Variants in OXR1 observed in about 807,000 individuals in gnomAD.
The protein encoded by OXR1 is oxidation resistance 1, also known as oxidation resistance protein 1.
OXR1 carries 41 observed loss-of-function variants against 104.6 expected under a neutral mutation model. The observed-to-expected ratio is 0.39, with a 90% CI of 0.31 to 0.51. The LOEUF is 0.51. Ranked by LOEUF, OXR1 falls within the 20% of genes least tolerant of loss-of-function variation. The pLI, the probability that OXR1 is intolerant of heterozygous loss-of-function variation, is 0.77. For synonymous variants in OXR1, 348 were observed against 348.4 expected (o/e 1.00, Z 0.01); for missense variants, 955 against 1,031.9 (o/e 0.93, Z 1.02).
chr8:106,425,676 T>C (rs1261066501), intron 2 of OXR1, among the ~76,000 whole-genome samples: 1 of 152,160 alleles, frequency 6.6e-6, no homozygotes, highest in Non-Finnish European at 1.5e-5. Flanking sequence ...ATCTTGGAAT[T>C]CTTAGCTTCC....
chr8:106,728,324 G>A (rs180769555), intron 11 of OXR1, among the ~76,000 whole-genome samples: 2 of 150,570 alleles, frequency 1.3e-5, no homozygotes, highest in East Asian at 2.0e-4. Context: ...AGAATTCTTC[G>A]TCTTTACCCA....
At chr8:106,741,031 G>A (rs185650798) in intron 14 of OXR1, among the ~76,000 whole-genome samples, 2 of 152,240 alleles carry the variant, frequency 1.3e-5, no homozygotes, top group Admixed American at 6.5e-5. Flanking sequence ...AGTGTTTTAT[G>A]TGTCAGGAAC....
intron 11 of OXR1, among the ~76,000 whole-genome samples, chr8:106,731,878 T>A (rs1833923534): frequency 6.6e-6 from 1 of 152,140 alleles, no homozygotes; most frequent in Non-Finnish European, 1.5e-5. Flanking sequence ...CTATTCTGTG[T>A]CTTTGCATAT....
chr8:106,704,486 C>G (rs1056796600), intron 8 of OXR1, among the ~76,000 whole-genome samples: 2 of 139,534 alleles, frequency 1.4e-5, no homozygotes, highest in Non-Finnish European at 3.0e-5. Flanking sequence ...CAACATCCAC[C>G]TCCTGGGTTC....
chr8:106,637,393 A>G (rs1007781869), intron 3 of OXR1, among the ~76,000 whole-genome samples: 1 of 152,164 alleles, frequency 6.6e-6, no homozygotes, highest in Admixed American at 6.5e-5. Flanking sequence ...TTTAAGGATC[A>G]TTTTCCCCAG....
In OXR1 at chr8:106,743,439, A is replaced by G. The variant is rs112200756; in HGVS notation, c.2412+1122A>G. ...CAGGTTCAAGCAATTCTCCTGCCTC[A>G]GCCTCCCAAGTAGCTGGGATTACAG... On this transcript the variant is annotated intron_variant, in intron 15 of 16. Coordinates refer to ENST00000517566, the MANE Select transcript of OXR1 (RefSeq NM_001198533.2). Among the ~76,000 whole-genome samples, 1,467 of 152,314 alleles carry G rather than the reference A, an allele frequency of 9.6e-3. 26 individuals carry two copies. The highest frequency in any genetic ancestry group is 0.033 in the African/African-American group (1,372 of 41,566).
chr8:106,674,321 C>T (rs2131180066), intron 3 of OXR1, among the ~76,000 whole-genome samples: 1 of 152,296 alleles, frequency 6.6e-6, no homozygotes, highest in East Asian at 1.9e-4. Flanking sequence ...ACTGCCCTGC[C>T]AGATTTTGGA....
chr8:106,517,725 C>T (rs969610733), intron 2 of OXR1, among the ~76,000 whole-genome samples: 1 of 152,094 alleles, frequency 6.6e-6, no homozygotes. Flanking sequence ...TAAAAATGTA[C>T]TTGTTGCCAA....
At chr8:106,613,087 A>C (rs974007142) in intron 3 of OXR1, among the ~76,000 whole-genome samples, 2 of 152,090 alleles carry the variant, frequency 1.3e-5, no homozygotes, top group Non-Finnish European at 2.9e-5. Context: ...CAGAATGGAA[A>C]ACATGCTTCT....
chr8:106,727,635 G>T (rs1387516165), intron 11 of OXR1, among the ~76,000 whole-genome samples: 2 of 152,092 alleles, frequency 1.3e-5, no homozygotes, highest in South Asian at 2.1e-4. Flanking sequence ...GCCCAGGCTG[G>T]ACTTGAACTC....
chr8:106,652,393 T>A (rs1824662523), intron 3 of OXR1, among the ~76,000 whole-genome samples: 1 of 151,992 alleles, frequency 6.6e-6, no homozygotes, highest in Non-Finnish European at 1.5e-5. Flanking sequence ...CTCAATGATT[T>A]TGAAAGGATG....
intron 1 of OXR1, among the ~76,000 whole-genome samples, chr8:106,339,155 G>A (rs1241671767): frequency 6.6e-6 from 1 of 151,704 alleles, no homozygotes; most frequent in Non-Finnish European, 1.5e-5. Context: ...ACTGCTCTTT[G>A]GGGATCATTC....
At chr8:106,640,242 C>T (rs1247562291) in intron 3 of OXR1, among the ~76,000 whole-genome samples, 5 of 151,722 alleles carry the variant, frequency 3.3e-5, no homozygotes, top group South Asian at 2.1e-4. Context: ...CTATATCATA[C>T]AACCAATGCA....
intron 1 of OXR1, among the ~76,000 whole-genome samples, chr8:106,292,217 G>T: frequency 6.6e-6 from 1 of 152,184 alleles, no homozygotes; most frequent in Non-Finnish European, 1.5e-5. Context: ...CAAAGCACAA[G>T]AGTAGTGATG....
At chr8:106,743,269 C>T (rs1299304750) in intron 15 of OXR1, among the ~76,000 whole-genome samples, 1 of 152,138 alleles carries the variant, frequency 6.6e-6, no homozygotes, top group Non-Finnish European at 1.5e-5. Flanking sequence ...ATTAAAAAGT[C>T]AAATAACAGA....
intron 7 of OXR1, among the ~76,000 whole-genome samples, chr8:106,694,489 T>TAA (rs1445687497): frequency 8.2e-5 from 6 of 73,524 alleles, no homozygotes; most frequent in African/African-American, 5.6e-4. Flanking sequence ...ATATATTTGA[T>TAA]ATATAAATAT....
chr8:106,492,058 T>C (rs1417897000), intron 2 of OXR1, among the ~76,000 whole-genome samples: 1 of 152,222 alleles, frequency 6.6e-6, no homozygotes, highest in African/African-American at 2.4e-5. Flanking sequence ...CCTAACATTT[T>C]GTGTATGAAA....
intron 3 of OXR1, among the ~76,000 whole-genome samples, chr8:106,676,843 T>C (rs1055258117): frequency 6.6e-6 from 1 of 152,054 alleles, no homozygotes; most frequent in Non-Finnish European, 1.5e-5. Flanking sequence ...TTTAGAACTG[T>C]TTTTATAATA....
At chr8:106,355,762 A>AT (rs1815941470) in intron 1 of OXR1, among the ~76,000 whole-genome samples, 1 of 151,696 alleles carries the variant, frequency 6.6e-6, no homozygotes, top group Non-Finnish European at 1.5e-5. Context: ...TATTTATTTC[A>AT]TTTTAGAAAT....
Sources: allele counts gnomAD v4.1 joint callset (sites outside exome capture counted in the v4.1 genomes callset), GRCh38; gene constraint gnomAD v4.1.1; transcripts MANE v1.5; gene names NCBI Gene and HGNC (gene_info 2026-07-23, HGNC 2026-07-21).